Variants in LANCL3 observed in about 807,000 individuals in gnomAD.
The protein encoded by LANCL3 is LanC like family member 3.
A neutral mutation model predicts 26.5 loss-of-function variants in LANCL3; 19 were observed. The observed-to-expected ratio is 0.72, with a 90% CI of 0.50 to 1.05. LANCL3 has a LOEUF of 1.05. Among genes scored for constraint, LANCL3 ranks in the 50% least tolerant of loss-of-function variants. The probability of loss-of-function intolerance (pLI) is 0.00; values close to 1 mark genes in which losing one functional copy is unlikely to be tolerated. For missense variants in LANCL3, 318 were observed against 362.7 expected (o/e 0.88, Z 1.00); for synonymous variants, 160 against 166.6 (o/e 0.96, Z 0.30).
intron 4 of LANCL3, chrX:37,668,517 G>C (rs1027224327): frequency 2.2e-5 from 6 of 269,742 alleles, no homozygotes; most frequent in Non-Finnish European, 4.3e-5. Context: ...GAAAGCACAA[G>C]TAGGGGCTTC....
chrX:37,585,540 CTAT>C (rs1924042782), intron 1 of LANCL3, among the ~76,000 whole-genome samples: 1 of 112,137 alleles, frequency 8.9e-6, no homozygotes. Flanking sequence ...GATCCCTTTA[CTAT>C]TATGTAATGC....
chrX:37,607,727 A>G (rs1180893174), intron 1 of LANCL3, among the ~76,000 whole-genome samples: 1 of 112,237 alleles, frequency 8.9e-6, no homozygotes, highest in African/African-American at 3.2e-5. Flanking sequence ...GTCATTTTGT[A>G]TAGGGAGAAT....
In LANCL3 at chrX:37,677,771, A is replaced by C. The variant is rs1926851082; in HGVS notation, c.*1958A>C. ...GTAAATGCTCCAAAGTCTTACAGCT[A>C]GAAAAGGACAAAACCAGGATTCAAA... On this transcript the variant is annotated 3_prime_UTR_variant, in exon 5 of 5. Coordinates refer to ENST00000378619, the MANE Select transcript of LANCL3 (RefSeq NM_001170331.2). 8.9e-6 allele frequency: 1 copy of C among 112,406 alleles called. No homozygotes were observed. The highest frequency in any genetic ancestry group is 3.2e-5 in the African/African-American group (1 of 30,960). The allele number at this position is 112,406 out of a possible 1,213,427, so 9.3% of individuals were successfully genotyped here.
At chrX:37,583,948 G>T (rs1923977606) in intron 1 of LANCL3, among the ~76,000 whole-genome samples, 1 of 111,866 alleles carries the variant, frequency 8.9e-6, no homozygotes, top group Non-Finnish European at 1.9e-5. Flanking sequence ...GATATTGGCT[G>T]TGTGTTTGTC....
intron 1 of LANCL3, among the ~76,000 whole-genome samples, chrX:37,587,595 C>T (rs1475682187): frequency 8.8e-6 from 1 of 113,111 alleles, no homozygotes; most frequent in African/African-American, 3.2e-5. Context: ...CCCTCCAAGC[C>T]AGGCATGGGA....
chrX:37,624,897 A>T (rs1294077218), intron 1 of LANCL3, among the ~76,000 whole-genome samples: 1 of 111,816 alleles, frequency 8.9e-6, no homozygotes, highest in Non-Finnish European at 1.9e-5. Context: ...CCTCCTCAAG[A>T]TGCTCAGAGC....
chrX:37,678,661 C>T lies in LANCL3; in HGVS notation c.*2848C>T, dbSNP rs1227237184. ...ATTATACATTTTTATTTTGCCCAAG[C>T]CTGTTTCAGTCATCAGTTTGTAGTC... On this transcript the variant is annotated 3_prime_UTR_variant, in exon 5 of 5. Coordinates refer to ENST00000378619, the MANE Select transcript of LANCL3 (RefSeq NM_001170331.2). 9.0e-6 allele frequency: 1 copy of T among 111,458 alleles called. No homozygotes were observed. Among genetic ancestry groups the T allele is most frequent in the Non-Finnish European group, 1.9e-5 (1 of 53,012 alleles). 9.2% of individuals were successfully genotyped at this position (111,458 alleles called of 1,213,427 possible).
At chrX:37,651,254 A>T (rs1556428816) in intron 1 of LANCL3, among the ~76,000 whole-genome samples, 5 of 111,504 alleles carry the variant, frequency 4.5e-5, no homozygotes, top group African/African-American at 1.6e-4. Context: ...CAGTAATGGG[A>T]TGGCTGGGTC....
chrX:37,599,861 A>G (rs1348538025), intron 1 of LANCL3, among the ~76,000 whole-genome samples: 1 of 112,231 alleles, frequency 8.9e-6, no homozygotes, highest in Non-Finnish European at 1.9e-5. Flanking sequence ...CACTCTGTTG[A>G]CAGCATTCTA....
At chrX:37,573,435 A>G (rs1412560885) in intron 1 of LANCL3, among the ~76,000 whole-genome samples, 1 of 112,092 alleles carries the variant, frequency 8.9e-6, no homozygotes, top group Non-Finnish European at 1.9e-5. Flanking sequence ...AGAGTGTTTT[A>G]AAAGAGTAAT....
Position 37,675,688 on chromosome X carries a change from G to A in LANCL3, c.1138G>A (p.Ala380Thr). 1 of 1,146,779 alleles carries A rather than the reference G, an allele frequency of 8.7e-7. No individual in the cohort carries two copies. Among genetic ancestry groups the A allele is most frequent in the Non-Finnish European group, 1.2e-6 (1 of 862,721 alleles). 94.5% of individuals were successfully genotyped at this position (1,146,779 alleles called of 1,213,427 possible). Residue 380 changes from alanine to threonine, a missense_variant, in exon 5 of 5, where the codon GCC becomes ACC. By Grantham distance (58) the Ala-to-Thr change is moderately conservative (BLOSUM62 0). Transcript: ENST00000378619. ...AQFLFTEEFKAGSRVLESIYS... is the reference protein window; with the variant it reads ...AQFLFTEEFKTGSRVLESIYS... ...ATTCTTATTTACCGAGGAATTCAAG[G>A]CCGGTTCTCGGGTCCTTGAAAGTAT...
At chrX:37,631,830 T>C (rs1196571589) in intron 1 of LANCL3, among the ~76,000 whole-genome samples, 6 of 111,311 alleles carry the variant, frequency 5.4e-5, no homozygotes, top group African/African-American at 2.0e-4. Context: ...TTTGTTATAA[T>C]TTCTGTTCTT....
intron 1 of LANCL3, among the ~76,000 whole-genome samples, 170 bp downstream of exon 1, chrX:37,572,613 C>G (rs1254062109): frequency 8.9e-6 from 1 of 112,277 alleles, no homozygotes; most frequent in Non-Finnish European, 1.9e-5. Context: ...TGCTTTTGTC[C>G]CTCTTCTTTC....
At chrX:37,658,916 C>T (rs1926350308) in intron 2 of LANCL3, among the ~76,000 whole-genome samples, 1 of 112,380 alleles carries the variant, frequency 8.9e-6, no homozygotes, top group African/African-American at 3.2e-5. Flanking sequence ...ATCCTCTGTA[C>T]CTAGAACAGT....
Position 37,676,626 on chromosome X carries a change from C to T in LANCL3, c.*813C>T, listed in dbSNP as rs782272518. 4 of 111,567 alleles carry T rather than the reference C, an allele frequency of 3.6e-5. No individual in the cohort carries two copies. Among genetic ancestry groups the T allele is most frequent in the African/African-American group, 1.3e-4 (4 of 30,768 alleles). The allele number at this position is 111,567 out of a possible 1,213,427, so 9.2% of individuals were successfully genotyped here. A position where few individuals can be genotyped will look rare whatever the true frequency, so the allele number is the denominator to read the frequency against. The stretch of plus-strand genomic sequence containing the variant: ...CTATTGTTAGTAATTTTAAAAATGC[C>T]TTTATGTACATAATCTTGATGGAGC... On this transcript the variant is annotated 3_prime_UTR_variant, in exon 5 of 5. Transcript: ENST00000378619.
chrX:37,668,406 T>C (rs28503960), intron 4 of LANCL3: 63,865 of 404,810 alleles, frequency 0.16, 3,733 homozygotes, highest in South Asian at 0.18. Flanking sequence ...GAACATCTGC[T>C]GTATACCAGA....
At chrX:37,632,065 C>G (rs1218939133) in intron 1 of LANCL3, among the ~76,000 whole-genome samples, 1 of 110,871 alleles carries the variant, frequency 9.0e-6, no homozygotes, top group African/African-American at 3.3e-5. Flanking sequence ...TTAAAGTCTC[C>G]CATTATTATT....
intron 3 of LANCL3, among the ~76,000 whole-genome samples, chrX:37,660,530 G>GA (rs781999008): frequency 5.4e-5 from 6 of 111,204 alleles, no homozygotes; most frequent in South Asian, 7.6e-4. Flanking sequence ...GGGGTAATTT[G>GA]AAAAAAAGTT....
intron 1 of LANCL3, among the ~76,000 whole-genome samples, chrX:37,611,033 C>T (rs1556421092): frequency 9.0e-6 from 1 of 111,307 alleles, no homozygotes; most frequent in Non-Finnish European, 1.9e-5. Flanking sequence ...AACTAGGGCT[C>T]GAGCCCATGG....
Sources: allele counts gnomAD v4.1 joint callset (sites outside exome capture counted in the v4.1 genomes callset), GRCh38; gene constraint gnomAD v4.1.1; transcripts MANE v1.5; gene names NCBI Gene and HGNC (gene_info 2026-07-23, HGNC 2026-07-21).